Variants in HS3ST4 observed in about 807,000 individuals in gnomAD.
HS3ST4 encodes heparan sulfate-glucosamine 3-sulfotransferase 4.
A neutral mutation model predicts 29.2 loss-of-function variants in HS3ST4; 17 were observed. The ratio of observed to expected loss-of-function variants is 0.58; its 90% confidence interval spans 0.40 to 0.87. HS3ST4 has a LOEUF of 0.87. Ranked by LOEUF, HS3ST4 falls within the 40% of genes least tolerant of loss-of-function variation. The probability of loss-of-function intolerance (pLI) is 0.00; values close to 1 mark genes in which losing one functional copy is unlikely to be tolerated. For synonymous variants in HS3ST4, 314 were observed against 285.7 expected (o/e 1.10, Z -1.00); for missense variants, 627 against 634.5 (o/e 0.99, Z 0.13).
intron 1 of HS3ST4, among the ~76,000 whole-genome samples, chr16:25,996,751 C>T (rs1969162365): frequency 6.6e-6 from 1 of 152,066 alleles, no homozygotes; most frequent in African/African-American, 2.4e-5. Context: ...TATTCTTTTA[C>T]ATTAAAATTG....
At chr16:25,767,848 C>T (rs1423918403) in intron 1 of HS3ST4, among the ~76,000 whole-genome samples, 1 of 152,198 alleles carries the variant, frequency 6.6e-6, no homozygotes, top group African/African-American at 2.4e-5. Flanking sequence ...TGCCACTCAG[C>T]TGCATATGAA....
At position 25,824,263 on chromosome 16, in the gene HS3ST4, G is replaced by A. The variant is rs150062375; in HGVS notation, c.734+131112G>A. On this transcript the variant is annotated intron_variant, in intron 1 of 1. Coordinates refer to ENST00000331351, the MANE Select transcript of HS3ST4 (RefSeq NM_006040.3). ...GCCTGAATACTCAATGAGCAAATCC[G>A]ATCCTTCCACATACTGTTTATGGCC... Among the ~76,000 whole-genome samples, 427 of 152,290 alleles carry A rather than the reference G, an allele frequency of 2.8e-3. 2 individuals are homozygous for A. Among genetic ancestry groups the A allele is most frequent in the African/African-American group, 9.1e-3 (378 of 41,562 alleles).
At position 25,968,187 on chromosome 16, in the gene HS3ST4, C is replaced by T. The variant is rs569774940; in HGVS notation, c.735-167425C>T. 4.5e-4 allele frequency among the ~76,000 whole-genome samples: 69 copies of T among 152,216 alleles called. 1 individual carries two copies. Among genetic ancestry groups the T allele is most frequent in the Non-Finnish European group, 6.3e-4 (43 of 68,024 alleles). ...ATGATGGAAGGACTGCGGGCGGAAG[C>T]GGATGGAGCCCCTGGCCTGAGACTT... On this transcript the variant is annotated intron_variant, in intron 1 of 1. Coordinates refer to ENST00000331351, the MANE Select transcript of HS3ST4 (RefSeq NM_006040.3).
At chr16:26,041,214 T>C (rs958168766) in intron 1 of HS3ST4, among the ~76,000 whole-genome samples, 2 of 152,126 alleles carry the variant, frequency 1.3e-5, no homozygotes, top group African/African-American at 4.8e-5. Context: ...TGGTGGTGCA[T>C]GCCTGTGGTC....
At chr16:25,873,024 G>C (rs1024907107) in intron 1 of HS3ST4, among the ~76,000 whole-genome samples, 1 of 152,082 alleles carries the variant, frequency 6.6e-6, no homozygotes, top group African/African-American at 2.4e-5. Context: ...ATTTCATCCA[G>C]TTCTTAAATA....
intron 1 of HS3ST4, among the ~76,000 whole-genome samples, chr16:26,082,424 A>T (rs1030845792): frequency 6.6e-6 from 1 of 152,094 alleles, no homozygotes; most frequent in Non-Finnish European, 1.5e-5. Context: ...AGATCATCAC[A>T]TATTTAAGGG....
chr16:25,855,186 C>T (rs923092317), intron 1 of HS3ST4, among the ~76,000 whole-genome samples: 3 of 152,030 alleles, frequency 2.0e-5, no homozygotes, highest in Non-Finnish European at 4.4e-5. Context: ...AAGAGTTAAG[C>T]TAGGACTTGA....
chr16:26,088,679 A>C (rs1284576076), intron 1 of HS3ST4, among the ~76,000 whole-genome samples: 1 of 152,210 alleles, frequency 6.6e-6, no homozygotes, highest in Non-Finnish European at 1.5e-5. Flanking sequence ...ACATGTGAGA[A>C]GCTGTTCATT....
chr16:25,987,919 C>T (rs1211894291), intron 1 of HS3ST4, among the ~76,000 whole-genome samples: 2 of 152,054 alleles, frequency 1.3e-5, no homozygotes, highest in African/African-American at 4.8e-5. Flanking sequence ...TACAGGCATG[C>T]GCCACCATGC....
chr16:25,983,336 T>G (rs754596343), intron 1 of HS3ST4, among the ~76,000 whole-genome samples: 1 of 152,224 alleles, frequency 6.6e-6, no homozygotes, highest in African/African-American at 2.4e-5. Flanking sequence ...ATCTCAGCTA[T>G]AAAATGAAAA....
chr16:25,926,834 A>G (rs1596616415), intron 1 of HS3ST4, among the ~76,000 whole-genome samples: 2 of 152,262 alleles, frequency 1.3e-5, no homozygotes, highest in South Asian at 4.1e-4. Flanking sequence ...CCCATGCCTA[A>G]TGGTTTTCCT....
intron 1 of HS3ST4, among the ~76,000 whole-genome samples, chr16:26,014,185 C>T (rs940058862): frequency 1.3e-5 from 2 of 152,078 alleles, no homozygotes; most frequent in African/African-American, 4.8e-5. Flanking sequence ...GTCTATCCTA[C>T]TAGTATGTAA....
intron 1 of HS3ST4, among the ~76,000 whole-genome samples, chr16:25,961,807 A>C (rs1026424477): frequency 1.2e-5 from 1 of 83,924 alleles, no homozygotes; most frequent in Non-Finnish European, 2.2e-5. Flanking sequence ...AGAGTTGGAC[A>C]AAAAAAAATT....
chr16:25,776,875 G>A (rs953557251), intron 1 of HS3ST4, among the ~76,000 whole-genome samples: 1 of 152,194 alleles, frequency 6.6e-6, no homozygotes, highest in African/African-American at 2.4e-5. Flanking sequence ...AGACTGAGAT[G>A]TCATGTTCTT....
intron 1 of HS3ST4, among the ~76,000 whole-genome samples, chr16:25,852,719 T>C (rs1227472147): frequency 6.6e-6 from 1 of 152,170 alleles, no homozygotes; most frequent in Non-Finnish European, 1.5e-5. Flanking sequence ...AACAGAAGTT[T>C]TAAATTAATT....
intron 1 of HS3ST4, among the ~76,000 whole-genome samples, chr16:25,874,995 A>G (rs11640774): frequency 0.27 from 41,264 of 152,078 alleles, 6,089 homozygotes; most frequent in East Asian, 0.43. Flanking sequence ...ACCTACACAC[A>G]CATGTTTAGA....
intron 1 of HS3ST4, among the ~76,000 whole-genome samples, chr16:26,021,281 C>T (rs528875759): frequency 6.6e-5 from 10 of 152,238 alleles, no homozygotes; most frequent in South Asian, 2.1e-4. Context: ...CATCTTCCTT[C>T]GAAAAGTTAA....
chr16:26,135,707 T>C lies in HS3ST4; in HGVS notation c.830T>C (p.Met277Thr), dbSNP rs1445460703. The C allele has an allele frequency of 6.2e-7, 1 of 1,614,094 alleles. No homozygotes were observed. Among genetic ancestry groups the C allele is most frequent in the South Asian group, 1.1e-5 (1 of 91,086 alleles). The change falls in exon 2 of 2, where the codon ATG (methionine) becomes ACG (threonine). Residue 277 changes from methionine to threonine, a missense_variant. Physicochemically the swap from Met to Thr is moderately conservative, Grantham distance 81. This residue lies in a region of HS3ST4 where 225 missense variants were observed against 293.7 expected (regional missense o/e 0.77). Coordinates refer to ENST00000331351, the MANE Select transcript of HS3ST4 (RefSeq NM_006040.3). ...TNEAPKRIHS[M>T]AKDIKLIVVV... Reference sequence around the variant, plus strand: ...GAGGCTCCCAAGCGCATTCACTCCATGGCCAAGGACATCAAACTGATTGTG... The same window carrying C: ...GAGGCTCCCAAGCGCATTCACTCCACGGCCAAGGACATCAAACTGATTGTG...
chr16:25,772,150 C>A (rs149304478), intron 1 of HS3ST4, among the ~76,000 whole-genome samples: 1 of 152,266 alleles, frequency 6.6e-6, no homozygotes, highest in East Asian at 1.9e-4. Context: ...GCCCGTGGAC[C>A]CTTATTGTAG....
Sources: gnomAD v4.1 joint callset for allele counts (sites outside exome capture counted in the v4.1 genomes callset) on GRCh38, gnomAD v4.1.1 for gene constraint, gnomAD v4.1.1 regional missense constraint, MANE v1.5 for transcripts, NCBI Gene and HGNC (gene_info 2026-07-23, HGNC 2026-07-21) for gene names.